Variants in DGKB observed in about 807,000 individuals in gnomAD.
DGKB encodes the protein diacylglycerol kinase beta, also known as 90 kDa diacylglycerol kinase.
Under a neutral mutation model 114.3 loss-of-function variants are expected in DGKB, and 67 were observed. The ratio of observed to expected loss-of-function variants is 0.59; its 90% CI spans 0.48 to 0.72. The LOEUF is 0.72. Among genes scored for constraint, DGKB ranks in the 30% least tolerant of loss-of-function variants. The probability of loss-of-function intolerance (pLI) is 0.00; values close to 1 mark genes in which losing one functional copy is unlikely to be tolerated. For synonymous variants in DGKB, 398 were observed against 323.1 expected, an observed-to-expected ratio of 1.23 and a Z score of -2.49; for missense variants, 907 against 975.2, an observed-to-expected ratio of 0.93 and a Z score of 0.93.
intron 21 of DGKB, among the ~76,000 whole-genome samples, chr7:14,374,161 C>T (rs962979443): frequency 6.6e-6 from 1 of 152,160 alleles, no homozygotes; most frequent in African/African-American, 2.4e-5. Context: ...CTATCAATAG[C>T]TCCCCAACCT....
chr7:14,937,243 G>T (rs17313190), intron 1 of DGKB, among the ~76,000 whole-genome samples: 18,346 of 151,580 alleles, frequency 0.12, 1,279 homozygotes, highest in Admixed American at 0.19. Flanking sequence ...ATATAGGTTG[G>T]TTTTTTTAAG....
intron 20 of DGKB, among the ~76,000 whole-genome samples, chr7:14,522,828 C>T (rs1294780393): frequency 6.6e-6 from 1 of 152,068 alleles, no homozygotes; most frequent in African/African-American, 2.4e-5. Context: ...CTTTCGACTG[C>T]TTGATTTATA....
chr7:14,741,759 G>C (rs2128413274), intron 4 of DGKB, among the ~76,000 whole-genome samples: 1 of 152,218 alleles, frequency 6.6e-6, no homozygotes, highest in African/African-American at 2.4e-5. Context: ...ACTTTTTGGG[G>C]CTTGTTGGTT....
chr7:14,301,887 T>A (rs1803624314), intron 23 of DGKB, among the ~76,000 whole-genome samples: 1 of 152,064 alleles, frequency 6.6e-6, no homozygotes, highest in Non-Finnish European at 1.5e-5. Context: ...GAGTCCAGGG[T>A]CTACCAAAGT....
Position 14,886,871 on chromosome 7 carries a change from G to C in DGKB, c.-188+15721C>G, listed in dbSNP as rs139360259. On this transcript the variant is annotated intron_variant, in intron 1 of 25. Coordinates refer to ENST00000402815, the MANE Select transcript of DGKB (RefSeq NM_001350709.2). ...AAGATAAAACAGCCTTGCGCCATCT[G>C]ACTCCTGCTTAATCTCCTATCATAC... Among the ~76,000 whole-genome samples, 1,010 of 151,954 alleles carry C rather than the reference G, an allele frequency of 6.6e-3. 13 individuals carry two copies. Among genetic ancestry groups the C allele is most frequent in the African/African-American group, 0.022 (917 of 41,486 alleles).
At chr7:14,561,728 G>A (rs768473659) in intron 20 of DGKB, among the ~76,000 whole-genome samples, 6 of 152,184 alleles carry the variant, frequency 3.9e-5, no homozygotes, top group Non-Finnish European at 7.3e-5. Context: ...GATGATTTAG[G>A]ATATCTGAGG....
intron 1 of DGKB, among the ~76,000 whole-genome samples, chr7:14,890,491 G>T (rs535600899): frequency 6.6e-6 from 1 of 151,444 alleles, no homozygotes; most frequent in East Asian, 1.9e-4. Context: ...AGGGCTGTAA[G>T]AAATGAAGTC....
chr7:14,571,079 G>A (rs1471535746), intron 20 of DGKB, among the ~76,000 whole-genome samples: 2 of 152,136 alleles, frequency 1.3e-5, no homozygotes, highest in Non-Finnish European at 2.9e-5. Context: ...AGCAGACATT[G>A]CCAAATGTCT....
rs139312832 is a variant in DGKB, at chr7:14,258,716, G to A, written c.2122+79799C>T. 9.5e-3 allele frequency among the ~76,000 whole-genome samples: 1,443 copies of A among 152,222 alleles called. 24 individuals carry two copies. The highest frequency in any genetic ancestry group is 0.033 in the African/African-American group (1,374 of 41,528). ...TCAAGTCTATGTACAGCAGGAACTT[G>A]GTCTTTGGTGCAAAAAGGAACAGAC... On this transcript the variant is annotated intron_variant, in intron 23 of 25. Coordinates refer to ENST00000402815, the MANE Select transcript of DGKB (RefSeq NM_001350709.2).
intron 2 of DGKB, among the ~76,000 whole-genome samples, chr7:14,832,746 T>C (rs749404699): frequency 1.6e-4 from 25 of 152,094 alleles, no homozygotes; most frequent in Non-Finnish European, 2.8e-4. Flanking sequence ...TAAATCTTTC[T>C]AGAGTTTCAT....
At chr7:14,300,837 C>A (rs1803420892) in intron 23 of DGKB, among the ~76,000 whole-genome samples, 1 of 152,090 alleles carries the variant, frequency 6.6e-6, no homozygotes, top group South Asian at 2.1e-4. Context: ...TAAGGTACCT[C>A]ATTTCAACTA....
chr7:14,814,707 G>A (rs1046006348), intron 2 of DGKB, among the ~76,000 whole-genome samples: 3 of 152,022 alleles, frequency 2.0e-5, no homozygotes, highest in African/African-American at 7.2e-5. Context: ...TTCTGAAGAG[G>A]TAAATTATGA....
At chr7:14,553,256 T>C (rs1032533733) in intron 20 of DGKB, among the ~76,000 whole-genome samples, 37 of 152,238 alleles carry the variant, frequency 2.4e-4, no homozygotes, top group African/African-American at 8.7e-4. Flanking sequence ...CTGTATCTTT[T>C]CCTTCAAAAT....
chr7:14,148,987 A>G lies in DGKB; in HGVS notation c.*144T>C. 1 of 688,694 alleles carries G rather than the reference A, an allele frequency of 1.5e-6. No homozygotes were observed. Among genetic ancestry groups the G allele is most frequent in the Non-Finnish European group, 2.5e-6 (1 of 405,394 alleles). The allele number at this position is 688,694 out of a possible 1,614,324, so 42.7% of individuals were successfully genotyped here. The stretch of plus-strand genomic sequence containing the variant: ...ATAAATTTTCTAATAGCTGAATTTT[A>G]CATTAGCTTAGTAACAAAAACTGTT... On this transcript the variant is annotated 3_prime_UTR_variant, in exon 26 of 26. Coordinates refer to ENST00000402815, the MANE Select transcript of DGKB (RefSeq NM_001350709.2).
At chr7:14,647,187 A>G (rs1813212403) in intron 13 of DGKB, among the ~76,000 whole-genome samples, 1 of 152,124 alleles carries the variant, frequency 6.6e-6, no homozygotes, top group Admixed American at 6.5e-5. Flanking sequence ...ACAACTATAC[A>G]CTACCACACT....
At chr7:14,413,735 G>C (rs571733947) in intron 21 of DGKB, among the ~76,000 whole-genome samples, 21 of 152,212 alleles carry the variant, frequency 1.4e-4, no homozygotes, top group African/African-American at 4.6e-4. Context: ...AAGAGAGATG[G>C]AAGTCATTGG....
chr7:14,895,333 G>A (rs1384551788), intron 1 of DGKB, among the ~76,000 whole-genome samples: 2 of 151,356 alleles, frequency 1.3e-5, no homozygotes, highest in Non-Finnish European at 1.5e-5. Context: ...TCTACTCACT[G>A]CCACCTGTTA....
chr7:14,513,385 G>A (rs1347024127), intron 20 of DGKB, among the ~76,000 whole-genome samples: 1 of 151,910 alleles, frequency 6.6e-6, no homozygotes, highest in African/African-American at 2.4e-5. Context: ...TTTTCTGAGT[G>A]TAAATTTGTT....
At chr7:14,524,480 G>C (rs138620875) in intron 20 of DGKB, among the ~76,000 whole-genome samples, 1 of 152,172 alleles carries the variant, frequency 6.6e-6, no homozygotes, top group African/African-American at 2.4e-5. Context: ...TTCAGGCCAG[G>C]CGCAGTGGCT....
Sources: gnomAD v4.1 joint callset for allele counts (sites outside exome capture counted in the v4.1 genomes callset) on GRCh38, gnomAD v4.1.1 for gene constraint, MANE v1.5 for transcripts, NCBI Gene and HGNC (gene_info 2026-07-23, HGNC 2026-07-21) for gene names.